The following DISC1 variants were observed in gnomAD, a reference collection of about 807,000 sequenced individuals.
DISC1 encodes the protein DISC1 scaffold protein, also known as disrupted in schizophrenia 1 protein.
DISC1 carries 57 observed loss-of-function variants against 84.5 expected under a neutral mutation model. The ratio of observed to expected loss-of-function variants is 0.67; its 90% CI spans 0.55 to 0.84. The LOEUF (loss-of-function observed/expected upper bound fraction) is 0.84. Among genes scored for constraint, DISC1 ranks in the 40% least tolerant of loss-of-function variants. The probability of loss-of-function intolerance (pLI) is 0.00; values close to 1 mark genes in which losing one functional copy is unlikely to be tolerated. For missense variants in DISC1, 1,000 were observed against 1,057.8 expected (o/e 0.95, Z 0.76); for synonymous variants, 411 against 415.2 (o/e 0.99, Z 0.12).
At chr1:231,688,257 G>T (rs2064549946) in intron 1 of DISC1, among the ~76,000 whole-genome samples, 1 of 152,026 alleles carries the variant, frequency 6.6e-6, no homozygotes, top group Admixed American at 6.6e-5. Flanking sequence ...TTGCAAACAT[G>T]GACAATGGCG....
intron 3 of DISC1, among the ~76,000 whole-genome samples, chr1:231,724,611 GTCA>G (rs1156528290): frequency 6.6e-6 from 1 of 152,124 alleles, no homozygotes; most frequent in Admixed American, 6.5e-5. Flanking sequence ...CCTTCCTTTA[GTCA>G]TCTGTGTATA....
intron 6 of DISC1, among the ~76,000 whole-genome samples, chr1:231,790,560 C>A (rs916630302): frequency 6.6e-6 from 1 of 151,924 alleles, no homozygotes; most frequent in African/African-American, 2.4e-5. Context: ...CCTCTGTCGC[C>A]CAGGCTGGAG....
intron 3 of DISC1, among the ~76,000 whole-genome samples, chr1:231,715,679 T>A (rs1445843725): frequency 6.6e-6 from 1 of 152,236 alleles, no homozygotes; most frequent in Non-Finnish European, 1.5e-5. Flanking sequence ...AACTCTTCTA[T>A]GTCTACATGA....
At chr1:231,906,377 A>G (rs917307539) in intron 9 of DISC1, among the ~76,000 whole-genome samples, 1 of 152,168 alleles carries the variant, frequency 6.6e-6, no homozygotes, top group Non-Finnish European at 1.5e-5. Flanking sequence ...ACAATGCCTG[A>G]TATTTTTGCC....
At chr1:232,000,137 G>C (rs560293053) in intron 10 of DISC1, among the ~76,000 whole-genome samples, 2 of 152,326 alleles carry the variant, frequency 1.3e-5, no homozygotes, top group East Asian at 3.9e-4. Flanking sequence ...TACCAGCGGG[G>C]AGATGAATCA....
chr1:231,688,616 C>T (rs981396551), intron 1 of DISC1, among the ~76,000 whole-genome samples: 1 of 151,170 alleles, frequency 6.6e-6, no homozygotes, highest in African/African-American at 2.4e-5. Flanking sequence ...ACTGAGCTAA[C>T]CAGGTTCCTC....
In DISC1 at chr1:231,971,020, C is replaced by T. The variant is rs138869507; in HGVS notation, c.2042+12132C>T. 2.3e-3 allele frequency among the ~76,000 whole-genome samples: 356 copies of T among 152,296 alleles called. 1 individual carries two copies. Among genetic ancestry groups the T allele is most frequent in the South Asian group, 5.0e-3 (24 of 4,822 alleles). On this transcript the variant is annotated intron_variant, in intron 10 of 12. Coordinates refer to ENST00000439617, the MANE Select transcript of DISC1 (RefSeq NM_018662.3). ...CTATGAGCCTGTGCACCCATTATCC[C>T]CAGATATGTCAATGTGCTTCACAGT...
intron 3 of DISC1, among the ~76,000 whole-genome samples, chr1:231,740,199 C>G (rs1263790030): frequency 6.6e-6 from 1 of 152,134 alleles, no homozygotes; most frequent in Non-Finnish European, 1.5e-5. Context: ...CTATGGTACT[C>G]TGTAATAGCA....
intron 1 of DISC1, among the ~76,000 whole-genome samples, chr1:231,632,522 A>G (rs2058805255): frequency 6.6e-6 from 1 of 152,224 alleles, no homozygotes; most frequent in Non-Finnish European, 1.5e-5. Context: ...AAGATAAATC[A>G]TATATTTATT....
chr1:231,989,893 C>T (rs574742592), intron 10 of DISC1, among the ~76,000 whole-genome samples: 1 of 152,326 alleles, frequency 6.6e-6, no homozygotes, highest in South Asian at 2.1e-4. Flanking sequence ...CGCTGTGCGA[C>T]TGCAAGCGGT....
intron 4 of DISC1, among the ~76,000 whole-genome samples, chr1:231,759,537 A>C (rs960878690): frequency 1.3e-5 from 2 of 149,360 alleles, no homozygotes; most frequent in African/African-American, 4.9e-5. Flanking sequence ...AAAAAAAAAA[A>C]AAAAAAAAAA....
rs1478656163 is a variant in DISC1 at position 231,954,185 on chromosome 1, G to A, written c.1982-4643G>A. ...GTTATGATGAATATTTATGGAAAATGTTGCTGTGCACTCCAGTGAGAAATC... is the reference window on the plus strand; with the variant it reads ...GTTATGATGAATATTTATGGAAAATATTGCTGTGCACTCCAGTGAGAAATC... On this transcript the variant is annotated intron_variant, in intron 9 of 12. Transcript: ENST00000439617. The surrounding 1 kb of genome is among the most constrained non-coding windows in gnomAD (Gnocchi z 4.8). Among the ~76,000 whole-genome samples, 1 of 152,084 alleles carries A rather than the reference G, an allele frequency of 6.6e-6. No homozygotes were observed. Among genetic ancestry groups the A allele is most frequent in the Non-Finnish European group, 1.5e-5 (1 of 68,030 alleles).
chr1:231,677,907 G>A (rs914534884), intron 1 of DISC1, among the ~76,000 whole-genome samples: 1 of 152,100 alleles, frequency 6.6e-6, no homozygotes, highest in Non-Finnish European at 1.5e-5. Context: ...AACCTGCGAG[G>A]TGGTGGTTGC....
chr1:231,999,723 G>T (rs1006690769), intron 10 of DISC1, among the ~76,000 whole-genome samples: 1 of 152,096 alleles, frequency 6.6e-6, no homozygotes, highest in Non-Finnish European at 1.5e-5. Flanking sequence ...TACCTGACCT[G>T]GGGGGAGGCC....
intron 2 of DISC1, among the ~76,000 whole-genome samples, chr1:231,695,635 G>C (rs898525371): frequency 6.6e-5 from 10 of 151,780 alleles, no homozygotes; most frequent in Non-Finnish European, 1.3e-4. Flanking sequence ...GCGTGTGTGT[G>C]TGTGCATGTT....
chr1:231,937,958 A>G (rs1201502558), intron 9 of DISC1, among the ~76,000 whole-genome samples: 4 of 151,654 alleles, frequency 2.6e-5, no homozygotes, highest in African/African-American at 7.3e-5. Flanking sequence ...ATTGGCTTCT[A>G]TAGACATCTC....
chr1:231,763,838 C>T (rs1391534974), intron 4 of DISC1, among the ~76,000 whole-genome samples: 2 of 152,178 alleles, frequency 1.3e-5, no homozygotes, highest in Non-Finnish European at 2.9e-5. Flanking sequence ...CATTGTGTCC[C>T]CAGAGCCAAG....
chr1:231,642,030 A>T (rs114515709), intron 1 of DISC1, among the ~76,000 whole-genome samples: 2,428 of 152,252 alleles, frequency 0.016, 69 homozygotes, highest in African/African-American at 0.055. Context: ...CTCGGGCTGC[A>T]CAGGAGCCCA....
chr1:232,026,337 G>A (rs1669462879), intron 11 of DISC1, 98 bp from the exon 12 acceptor site: 1 of 761,290 alleles, frequency 1.3e-6, no homozygotes, highest in South Asian at 1.8e-5. Context: ...TCTGACTGAG[G>A]TGCAGAAACT....
Sources: gnomAD v4.1 joint callset for allele counts (sites outside exome capture counted in the v4.1 genomes callset) on GRCh38, gnomAD v4.1.1 for gene constraint, Gnocchi (gnomAD v3.1) non-coding constraint, MANE v1.5 for transcripts, NCBI Gene and HGNC (gene_info 2026-07-23, HGNC 2026-07-21) for gene names.